The following TTC29 variants were observed in gnomAD, a reference collection of about 807,000 sequenced individuals.
TTC29 encodes the protein tetratricopeptide repeat protein 29.
A neutral mutation model predicts 58.1 loss-of-function variants in TTC29; 49 were observed. The observed-to-expected ratio is 0.84, with a 90% confidence interval of 0.67 to 1.07. TTC29 has a LOEUF of 1.07. Ranked by LOEUF, TTC29 falls within the 50% of genes least tolerant of loss-of-function variation. TTC29 has a pLI of 0.00. For synonymous variants in TTC29, 209 were observed against 196.8 expected (o/e 1.06, Z -0.52); for missense variants, 582 against 555.6 (o/e 1.05, Z -0.48).
chr4:146,747,418 T>C (rs1745630255), intron 11 of TTC29, among the ~76,000 whole-genome samples: 1 of 152,194 alleles, frequency 6.6e-6, no homozygotes, highest in Non-Finnish European at 1.5e-5. Flanking sequence ...GCTTCTGCTA[T>C]GCCCTGCCTC....
At chr4:146,884,896 G>C (rs181383181) in intron 6 of TTC29, among the ~76,000 whole-genome samples, 1 of 151,926 alleles carries the variant, frequency 6.6e-6, no homozygotes, top group Non-Finnish European at 1.5e-5. Flanking sequence ...GTACATAAAG[G>C]AGGCTTTATT....
chr4:146,712,724 C>T (rs1277034402), intron 11 of TTC29, among the ~76,000 whole-genome samples: 3 of 151,920 alleles, frequency 2.0e-5, no homozygotes, highest in African/African-American at 7.3e-5. Context: ...GAGATGAGGG[C>T]AGGGCTAAGG....
chr4:146,748,266 G>C (rs1281774839), intron 11 of TTC29, among the ~76,000 whole-genome samples: 1 of 152,152 alleles, frequency 6.6e-6, no homozygotes, highest in African/African-American at 2.4e-5. Context: ...CCATCCCAGG[G>C]CCTGAGCTTC....
At chr4:146,758,750 A>AAAACG (rs1746641582) in intron 11 of TTC29, among the ~76,000 whole-genome samples, 1 of 152,164 alleles carries the variant, frequency 6.6e-6, no homozygotes, top group African/African-American at 2.4e-5. Context: ...CATTGGGTCA[A>AAAACG]AAATGAAATG....
intron 9 of TTC29, among the ~76,000 whole-genome samples, chr4:146,831,387 T>G (rs1187273373): frequency 1.3e-5 from 2 of 152,100 alleles, no homozygotes; most frequent in African/African-American, 4.8e-5. Flanking sequence ...GTGTGAGCCA[T>G]TGTGCCTGGC....
intron 11 of TTC29, among the ~76,000 whole-genome samples, chr4:146,749,592 G>A (rs1745820383): frequency 6.6e-6 from 1 of 152,106 alleles, no homozygotes; most frequent in Non-Finnish European, 1.5e-5. Context: ...CAGAGAAGAG[G>A]AGACAGAGAA....
In TTC29 at chr4:146,827,370, A is replaced by G. The variant is rs1396999376; in HGVS notation, c.977+6436T>C. ...GCCATCTTGGCCCCGCCCCCACAGT[A>G]GCATTTCTATATGCCCCAGAAGGTA... On this transcript the variant is annotated intron_variant, in intron 9 of 12. Coordinates refer to ENST00000325106, the MANE Select transcript of TTC29 (RefSeq NM_031956.4). Among the ~76,000 whole-genome samples the G allele has an allele frequency of 2.0e-5, 3 of 152,216 alleles. No homozygotes were observed. In the East Asian group the frequency reaches 5.8e-4, roughly 29 times the overall value.
At chr4:146,716,235 A>G (rs964589512) in intron 11 of TTC29, among the ~76,000 whole-genome samples, 1 of 152,162 alleles carries the variant, frequency 6.6e-6, no homozygotes, top group Non-Finnish European at 1.5e-5. Flanking sequence ...CAGAAAGTTT[A>G]ATTTTGTTGA....
intron 11 of TTC29, among the ~76,000 whole-genome samples, chr4:146,725,611 T>C (rs1743727615): frequency 6.6e-6 from 1 of 152,196 alleles, no homozygotes; most frequent in Non-Finnish European, 1.5e-5. Flanking sequence ...AAGAAAACTT[T>C]ATATTGTCTT....
At chr4:146,749,155 CA>C (rs56106504) in intron 11 of TTC29, among the ~76,000 whole-genome samples, 542 of 116,666 alleles carry the variant, frequency 4.6e-3, no homozygotes, top group East Asian at 7.5e-3. Context: ...CCATTTCTAC[CA>C]AAAAAAAAAA....
rs985507536 is a variant in TTC29 at position 146,801,741 on chromosome 4, C to T, written c.1330+1716G>A. Among the ~76,000 whole-genome samples the T allele has an allele frequency of 5.9e-5, 9 of 151,814 alleles. No homozygotes were observed. The East Asian group carries it at 1.4e-3, about 23-fold the overall frequency. On this transcript the variant is annotated intron_variant, in intron 11 of 12. Coordinates refer to ENST00000325106, the MANE Select transcript of TTC29 (RefSeq NM_031956.4). Reference sequence around the variant, plus strand: ...CCTGTAATCCCAGCAGTTTGGGAGGCCAAGATGGGTAGATCATGCGATCAG... The same window carrying T: ...CCTGTAATCCCAGCAGTTTGGGAGGTCAAGATGGGTAGATCATGCGATCAG...
intron 8 of TTC29, among the ~76,000 whole-genome samples, chr4:146,837,102 C>T (rs1728561128): frequency 1.3e-5 from 2 of 152,126 alleles, no homozygotes; most frequent in Non-Finnish European, 2.9e-5. Context: ...CCTAAATGCA[C>T]ATCAATGCTC....
chr4:146,885,134 C>A (rs937460953), intron 6 of TTC29, among the ~76,000 whole-genome samples: 2 of 151,826 alleles, frequency 1.3e-5, no homozygotes, highest in African/African-American at 4.8e-5. Context: ...TTCTAGCAAC[C>A]AAAAATCATG....
At chr4:146,767,435 A>C (rs963447454) in intron 11 of TTC29, among the ~76,000 whole-genome samples, 1 of 151,882 alleles carries the variant, frequency 6.6e-6, no homozygotes, top group Non-Finnish European at 1.5e-5. Context: ...GTTTTGTCCC[A>C]TTGCTTCAGG....
At chr4:146,767,264 A>G (rs2150069797) in intron 11 of TTC29, among the ~76,000 whole-genome samples, 1 of 152,036 alleles carries the variant, frequency 6.6e-6, no homozygotes, top group Non-Finnish European at 1.5e-5. Context: ...ACTGGGGTCA[A>G]ATTGCTTAAC....
At chr4:146,737,590 T>TA (rs1176250898) in intron 11 of TTC29, among the ~76,000 whole-genome samples, 1 of 93,976 alleles carries the variant, frequency 1.1e-5, no homozygotes, top group African/African-American at 3.8e-5. Flanking sequence ...CTAGTAGCCC[T>TA]GGGGGGGGGG....
chr4:146,768,683 T>C (rs1050556101), intron 11 of TTC29, among the ~76,000 whole-genome samples: 1 of 152,030 alleles, frequency 6.6e-6, no homozygotes, highest in African/African-American at 2.4e-5. Flanking sequence ...TCCTGTCTTT[T>C]AATGCTCCAG....
At chr4:146,732,974 C>G (rs1744449636) in intron 11 of TTC29, among the ~76,000 whole-genome samples, 1 of 152,076 alleles carries the variant, frequency 6.6e-6, no homozygotes, top group African/African-American at 2.4e-5. Context: ...GAAACGGCAT[C>G]CTTGGGGGAC....
chr4:146,724,216 C>T (rs1011592459), intron 11 of TTC29, among the ~76,000 whole-genome samples: 4 of 152,064 alleles, frequency 2.6e-5, no homozygotes, highest in Non-Finnish European at 5.9e-5. Flanking sequence ...ACACTGGGGG[C>T]TACTAAACGG....
Sources: allele counts gnomAD v4.1 joint callset (sites outside exome capture counted in the v4.1 genomes callset), GRCh38; gene constraint gnomAD v4.1.1; transcripts MANE v1.5; gene names NCBI Gene and HGNC (gene_info 2026-07-23, HGNC 2026-07-21).